The following SLC35D2 variants were observed in gnomAD, a reference collection of about 807,000 sequenced individuals.
The protein encoded by SLC35D2 is nucleotide sugar transporter SLC35D2.
A neutral mutation model predicts 41.8 loss-of-function variants in SLC35D2; 43 were observed. That is an observed-to-expected ratio of 1.03 (90% CI 0.81 to 1.33). SLC35D2 has a LOEUF of 1.33. Among genes scored for constraint, SLC35D2 ranks in the 40% most tolerant of loss-of-function variants. The pLI is 0.00. For synonymous variants in SLC35D2, 150 were observed against 163.9 expected (o/e 0.92, Z 0.65); for missense variants, 380 against 408.4 (o/e 0.93, Z 0.60).
intron 1 of SLC35D2, among the ~76,000 whole-genome samples, chr9:96,376,755 A>G (rs1365864673): frequency 1.3e-5 from 2 of 151,764 alleles, no homozygotes; most frequent in Non-Finnish European, 2.9e-5. Flanking sequence ...AGTAGCTGGG[A>G]TTACCAGGCC....
intron 9 of SLC35D2, among the ~76,000 whole-genome samples, chr9:96,334,108 A>C (rs561435648): frequency 6.6e-6 from 1 of 152,274 alleles, no homozygotes; most frequent in African/African-American, 2.4e-5. Flanking sequence ...AGCAGTCCCC[A>C]ACCTTTTTGG....
rs1314609221 is a variant in SLC35D2 at position 96,372,621 on chromosome 9, G to T, written c.159-4316C>A. 5.8e-5 allele frequency among the ~76,000 whole-genome samples: 6 copies of T among 103,210 alleles called. No individual in the cohort carries two copies. The East Asian group carries it at 1.8e-3, about 31-fold the overall frequency. The allele number at this position is 103,210 out of a possible 152,430, so 67.7% of individuals were successfully genotyped here. ...TTTTTTTGAGAACGAATCTCACTCT[G>T]TTGCCCAGGCTGGAGTGCAGTGGCA... On this transcript the variant is annotated intron_variant, in intron 1 of 11. Transcript: ENST00000253270.
At chr9:96,355,279 A>G (rs1293665756) in intron 4 of SLC35D2, among the ~76,000 whole-genome samples, 1 of 151,750 alleles carries the variant, frequency 6.6e-6, no homozygotes, top group Non-Finnish European at 1.5e-5. Context: ...TTGATCTCCC[A>G]AAGTGCTGGG....
chr9:96,351,543 C>A (rs998981914), intron 5 of SLC35D2, among the ~76,000 whole-genome samples: 5 of 152,106 alleles, frequency 3.3e-5, no homozygotes, highest in African/African-American at 1.2e-4. Flanking sequence ...AAATTCATTT[C>A]TAAATAATCC....
At chr9:96,326,807 A>G (rs1828554991) in intron 9 of SLC35D2, among the ~76,000 whole-genome samples, 1 of 138,794 alleles carries the variant, frequency 7.2e-6, no homozygotes, top group Non-Finnish European at 1.5e-5. Context: ...CTCTGTCTCA[A>G]AAAAAAAAAA....
At chr9:96,364,590 G>A in intron 2 of SLC35D2, 40 bp from the exon 3 acceptor site, 1 of 1,155,402 alleles carries the variant, frequency 8.7e-7, no homozygotes. Context: ...CAAAATATCT[G>A]CAAAGATTGC....
chr9:96,362,585 A>C (rs1830319298), intron 3 of SLC35D2, among the ~76,000 whole-genome samples: 1 of 152,146 alleles, frequency 6.6e-6, no homozygotes, highest in Non-Finnish European at 1.5e-5. Flanking sequence ...AATTATTGTT[A>C]GAAAAGTTAG....
chr9:96,371,979 G>A (rs1485394859), intron 1 of SLC35D2, among the ~76,000 whole-genome samples: 1 of 151,892 alleles, frequency 6.6e-6, no homozygotes, highest in Non-Finnish European at 1.5e-5. Context: ...GCCCGCCTCG[G>A]CCTCCCAAAG....
chr9:96,320,313 A>G (rs1828162713), downstream of SLC35D2, among the ~76,000 whole-genome samples: 1 of 152,196 alleles, frequency 6.6e-6, no homozygotes, highest in South Asian at 2.1e-4. Flanking sequence ...CAGGAGTTCA[A>G]GACTAGCCTG....
At chr9:96,381,216 T>TCTCA (rs1451404292) in intron 1 of SLC35D2, among the ~76,000 whole-genome samples, 2 of 152,256 alleles carry the variant, frequency 1.3e-5, no homozygotes, top group African/African-American at 4.8e-5. Context: ...ATTTATCCAG[T>TCTCA]CTCATCCTTC....
At position 96,381,581 on chromosome 9, in the gene SLC35D2, C is replaced by T. The variant is rs546208319; in HGVS notation, c.158+1896G>A. Among the ~76,000 whole-genome samples the T allele has an allele frequency of 1.6e-4, 24 of 152,298 alleles. No homozygotes were observed. In the South Asian group the frequency reaches 4.6e-3, roughly 29 times the overall value. ...CTCCCCTCCCTCTCTCCCTCACTCCCTTTCCTGTTTTATTTTTTCCCCAGC... is the reference window on the plus strand; with the variant it reads ...CTCCCCTCCCTCTCTCCCTCACTCCTTTTCCTGTTTTATTTTTTCCCCAGC... On this transcript the variant is annotated intron_variant, in intron 1 of 11. Coordinates refer to ENST00000253270, the MANE Select transcript of SLC35D2 (RefSeq NM_007001.3).
rs1828212457 is a variant in SLC35D2, at chr9:96,321,314, A to G, written c.942T>C (p.Phe314=). The change falls in exon 12 of 12, where the codon TTT becomes TTC. Residue 314 remains phenylalanine, a synonymous_variant. Coordinates refer to ENST00000253270, the MANE Select transcript of SLC35D2 (RefSeq NM_007001.3). ...ICMAGGLRYS[F]LTLSSQLKPK... The stretch of plus-strand genomic sequence containing the variant: ...GTTTTAACTGGCTGCTCAGTGTTAA[A>G]AAGGAATATCTCAAGCCCCCTGCCA... 6.2e-7 allele frequency: 1 copy of G among 1,614,100 alleles called. No individual in the cohort carries two copies. Among genetic ancestry groups the G allele is most frequent in the Non-Finnish European group, 8.5e-7 (1 of 1,179,946 alleles).
At chr9:96,331,460 G>C (rs1010451881) in intron 9 of SLC35D2, among the ~76,000 whole-genome samples, 1 of 152,076 alleles carries the variant, frequency 6.6e-6, no homozygotes, top group African/African-American at 2.4e-5. Flanking sequence ...CACCTTACAA[G>C]AATGTAACCA....
At position 96,343,925 on chromosome 9, in the gene SLC35D2, G is replaced by T. The variant is rs1301591226; in HGVS notation, c.663C>A (p.Val221=). 1 of 1,585,790 alleles carries T rather than the reference G, an allele frequency of 6.3e-7. No individual in the cohort carries two copies. Among genetic ancestry groups the T allele is most frequent in the East Asian group, 2.3e-5 (1 of 42,600 alleles). Residue 221 remains valine, a synonymous_variant, in exon 8 of 12, where the codon GTC becomes GTA. Coordinates refer to ENST00000253270, the MANE Select transcript of SLC35D2 (RefSeq NM_007001.3). ...TCACCTGTTGCAGGTCTCCAGTGGA[G>T]ACACTAATAATAAGAGTTGGGATAA... ...FMIIPTLIIS[V]STGDLQQATE... is the part of the protein sequence containing the mutation.
chr9:96,360,373 G>A (rs1437068154), intron 3 of SLC35D2, 152 bp from the exon 4 acceptor site: 3 of 648,560 alleles, frequency 4.6e-6, no homozygotes, highest in Non-Finnish European at 7.9e-6. Flanking sequence ...GCTCACGCCT[G>A]TAATCCCAGC....
At chr9:96,368,765 T>C (rs201172989) in intron 1 of SLC35D2, among the ~76,000 whole-genome samples, 17 of 149,876 alleles carry the variant, frequency 1.1e-4, no homozygotes, top group East Asian at 3.9e-4. Context: ...TATATATATA[T>C]ACACACACAC....
In SLC35D2 at chr9:96,336,728, G is replaced by A. The variant is rs749346417; in HGVS notation, c.741C>T (p.Ser247=). 1.3e-6 allele frequency: 2 copies of A among 1,582,350 alleles called. No homozygotes were observed. Among genetic ancestry groups the A allele is most frequent in the South Asian group, 1.1e-5 (1 of 88,326 alleles). ...CTATGGTTTCTTACCCCAAAAAACAGGAAAGAAGAAACTGTAGGATAAACA... is the reference window on the plus strand; with the variant it reads ...CTATGGTTTCTTACCCCAAAAAACAAGAAAGAAGAAACTGTAGGATAAACA... ...NVVFILQFLL[S]CFLGFLLMYS... is the part of the protein sequence containing the mutation. The change falls in exon 9 of 12, where the codon TCC becomes TCT. Residue 247 remains serine (S), a synonymous_variant. Coordinates refer to ENST00000253270, the MANE Select transcript of SLC35D2 (RefSeq NM_007001.3).
chr9:96,350,334 C>T lies in SLC35D2; in HGVS notation c.488+769G>A, dbSNP rs1363575578. 2.1e-5 allele frequency among the ~76,000 whole-genome samples: 3 copies of T among 139,718 alleles called. No homozygotes were observed. The Admixed American group carries it at 2.2e-4, about 10-fold the overall frequency. The allele number at this position is 139,718 out of a possible 152,430, so 91.7% of individuals were successfully genotyped here. A position where few individuals can be genotyped will look rare whatever the true frequency, so the allele number is the denominator to read the frequency against. ...TCCAGGCACACACCACGACGCCAGG[C>T]TAATTTTCTTTCCTTTTTTTTTTTT... On this transcript the variant is annotated intron_variant, in intron 6 of 11. Coordinates refer to ENST00000253270, the MANE Select transcript of SLC35D2 (RefSeq NM_007001.3).
intron 3 of SLC35D2, among the ~76,000 whole-genome samples, chr9:96,360,628 C>CAAAAAAAAAAA (rs906000581): frequency 1.3e-4 from 2 of 15,702 alleles, no homozygotes; most frequent in African/African-American, 5.2e-4. Flanking sequence ...GACTTCATCT[C>CAAAAAAAAAAA]AAAAAAAAAA....
Sources: gnomAD v4.1 joint callset for allele counts (sites outside exome capture counted in the v4.1 genomes callset) on GRCh38, gnomAD v4.1.1 for gene constraint, MANE v1.5 for transcripts, NCBI Gene and HGNC (gene_info 2026-07-23, HGNC 2026-07-21) for gene names.